IRAK2: variants seen among roughly 807,000 people sequenced by gnomAD.
IRAK2 encodes the protein interleukin-1 receptor-associated kinase-like 2.
A neutral mutation model predicts 72.0 loss-of-function variants in IRAK2; 57 were observed. The observed-to-expected ratio is 0.79, with a 90% CI of 0.64 to 0.99. The LOEUF is 0.99. Among genes scored for constraint, IRAK2 ranks in the 50% least tolerant of loss-of-function variants. The pLI, the probability that IRAK2 is intolerant of heterozygous loss-of-function variation, is 0.00. For missense variants in IRAK2, 790 were observed against 794.4 expected (o/e 0.99, Z 0.07); for synonymous variants, 293 against 312.7 (o/e 0.94, Z 0.67).
At position 10,191,506 on chromosome 3, in the gene IRAK2, C is replaced by T. The variant is rs529983046; in HGVS notation, c.278-8863C>T. Among the ~76,000 whole-genome samples the T allele has an allele frequency of 2.6e-5, 4 of 152,314 alleles. No individual in the cohort carries two copies. The South Asian group carries it at 8.3e-4, about 32-fold the overall frequency. ...CCTTTGCCCGGCTCTTCAACCTCAC[C>T]TCTACCACTTTCCCCCTCAGTCATT... On this transcript the variant is annotated intron_variant, in intron 2 of 12. Coordinates refer to ENST00000256458, the MANE Select transcript of IRAK2 (RefSeq NM_001570.4).
intron 4 of IRAK2, among the ~76,000 whole-genome samples, chr3:10,210,623 A>C (rs577174561): frequency 1.5e-4 from 23 of 151,578 alleles, no homozygotes; most frequent in Non-Finnish European, 2.9e-5. Flanking sequence ...GTGGTGTCAC[A>C]TGCCTGTAGT....
chr3:10,214,170 C>T (rs1697567154), intron 6 of IRAK2, among the ~76,000 whole-genome samples: 1 of 151,986 alleles, frequency 6.6e-6, no homozygotes, highest in Admixed American at 6.6e-5. Flanking sequence ...CTCAAGTGAT[C>T]TTTCTGCTTT....
chr3:10,167,418 C>CTT (rs1168538999), intron 1 of IRAK2, among the ~76,000 whole-genome samples: 6 of 144,166 alleles, frequency 4.2e-5, no homozygotes, highest in Admixed American at 1.4e-4. Flanking sequence ...TACTTAGTTT[C>CTT]TTTTTTTTTT....
At chr3:10,208,037 G>A (rs1559447359) in intron 3 of IRAK2, among the ~76,000 whole-genome samples, 2 of 149,244 alleles carry the variant, frequency 1.3e-5, no homozygotes, top group African/African-American at 2.5e-5. Flanking sequence ...AACCACTGAT[G>A]ACTGTGTGCC....
Position 10,238,747 on chromosome 3 carries a change from G to C in IRAK2, c.1474-1G>C, listed in dbSNP as rs916520813. 38 of 1,613,482 alleles carry C rather than the reference G, an allele frequency of 2.4e-5. No individual in the cohort carries two copies. The highest frequency in any genetic ancestry group is 2.9e-5 in the Non-Finnish European group (34 of 1,179,688). ...GCTCCCTTCTCTCTCTTCTCCCAAA[G>C]GTGTGTGGCTCTGTGGCTGCTGTGG... On this transcript the variant is annotated splice_acceptor_variant, in intron 11 of 12. Transcript: ENST00000256458. LOFTEE classifies it high-confidence loss of function.
intron 2 of IRAK2, among the ~76,000 whole-genome samples, chr3:10,182,702 G>A (rs559245733): frequency 3.1e-4 from 47 of 151,698 alleles, no homozygotes; most frequent in African/African-American, 1.1e-3. Flanking sequence ...GAGCCACTGC[G>A]CCAGGCCCTT....
intron 4 of IRAK2, 119 bp from the exon 5 acceptor site, chr3:10,213,088 T>C (rs571222848): frequency 1.3e-5 from 11 of 844,386 alleles, no homozygotes; most frequent in Admixed American, 1.0e-4. Context: ...CTTTTTACAG[T>C]TTCCATTGGA....
rs566907997 is a variant in IRAK2, at chr3:10,187,466, G to A, written c.277+9446G>A. On this transcript the variant is annotated intron_variant, in intron 2 of 12. Coordinates refer to ENST00000256458, the MANE Select transcript of IRAK2 (RefSeq NM_001570.4). ...AAGCTGCCTCATTGTCATGTGGAGA[G>A]TACTACATGCACAGGGCATCTGCAG... is the stretch of plus-strand genomic sequence containing the variant. Among the ~76,000 whole-genome samples the A allele has an allele frequency of 3.3e-5, 5 of 152,290 alleles. No individual in the cohort carries two copies. The South Asian group carries it at 1.0e-3, about 32-fold the overall frequency.
chr3:10,177,830 C>T lies in IRAK2; in HGVS notation c.95-8C>T, dbSNP rs1053510455. On this transcript the variant is annotated splice_polypyrimidine_tract_variant and splice_region_variant and intron_variant, in intron 1 of 12. Coordinates refer to ENST00000256458, the MANE Select transcript of IRAK2 (RefSeq NM_001570.4). ...GACTCTAAGCAGAGTTCTCTCCGTC[C>T]CTTCCAGCCTCCTACGTGATCACAG... is the stretch of plus-strand genomic sequence containing the variant. 5.0e-6 allele frequency: 8 copies of T among 1,611,038 alleles called. No individual in the cohort carries two copies. The highest frequency in any genetic ancestry group is 1.7e-5 in the Admixed American group (1 of 59,992).
intron 1 of IRAK2, among the ~76,000 whole-genome samples, chr3:10,170,375 T>C (rs1027427994): frequency 1.4e-4 from 22 of 152,230 alleles, no homozygotes; most frequent in African/African-American, 5.3e-4. Context: ...CCTTTTGCTA[T>C]GTAAGGTACC....
At position 10,217,039 on chromosome 3, in the gene IRAK2, G is replaced by A; in HGVS notation, c.894G>A (p.Leu298=). 1 of 1,610,252 alleles carries A rather than the reference G, an allele frequency of 6.2e-7. No individual in the cohort carries two copies. Among genetic ancestry groups the A allele is most frequent in the Non-Finnish European group, 8.5e-7 (1 of 1,176,512 alleles). The change falls in exon 7 of 13, where the codon CTG becomes CTA. Residue 298 remains leucine, a synonymous_variant. Coordinates refer to ENST00000256458, the MANE Select transcript of IRAK2 (RefSeq NM_001570.4). Reference sequence around the variant, plus strand: ...CAAATGGTTCCCTACAGGACAGACTGCAGGGTCAGGTAAGGGACTGGGTCA... The same window carrying A: ...CAAATGGTTCCCTACAGGACAGACTACAGGGTCAGGTAAGGGACTGGGTCA... ...YMANGSLQDR[L]QGQGGSDPLP...
chr3:10,188,107 A>G (rs1018730536), intron 2 of IRAK2, among the ~76,000 whole-genome samples: 4 of 152,174 alleles, frequency 2.6e-5, no homozygotes, highest in African/African-American at 9.7e-5. Context: ...GCTCCCAGGC[A>G]AAGGAGAATC....
At chr3:10,230,716 G>A (rs4684671) in intron 10 of IRAK2, among the ~76,000 whole-genome samples, 61,225 of 151,768 alleles carry the variant, frequency 0.4, 12,796 homozygotes, top group Admixed American at 0.47. Flanking sequence ...CCACAGGCAC[G>A]TGCCGCCACT....
At chr3:10,167,224 T>C (rs551305576) in intron 1 of IRAK2, among the ~76,000 whole-genome samples, 1 of 152,304 alleles carries the variant, frequency 6.6e-6, no homozygotes, top group African/African-American at 2.4e-5. Context: ...TCTTAGAACA[T>C]TTTAATCACC....
intron 2 of IRAK2, among the ~76,000 whole-genome samples, chr3:10,184,737 T>TG (rs1396860273): frequency 7.1e-6 from 1 of 141,708 alleles, no homozygotes; most frequent in East Asian, 2.1e-4. Context: ...TTTTTTTTTT[T>TG]TTTTTTTTTT....
At chr3:10,183,124 A>C (rs1329664765) in intron 2 of IRAK2, among the ~76,000 whole-genome samples, 1 of 152,172 alleles carries the variant, frequency 6.6e-6, no homozygotes, top group South Asian at 2.1e-4. Context: ...AGAAAACAGT[A>C]CTTGAAAGCC....
intron 3 of IRAK2, among the ~76,000 whole-genome samples, chr3:10,205,714 G>A (rs1697424394): frequency 1.3e-5 from 2 of 152,250 alleles, no homozygotes; most frequent in Admixed American, 6.5e-5. Flanking sequence ...TATAGATCAT[G>A]TGTAGAAGAA....
chr3:10,226,474 G>T, intron 10 of IRAK2, 41 bp downstream of exon 10: 1 of 1,534,046 alleles, frequency 6.5e-7, no homozygotes, highest in Non-Finnish European at 9.0e-7. Context: ...GTATATTTGG[G>T]CCTCACAGCT....
At chr3:10,239,101 A>T in intron 12 of IRAK2, 62 bp downstream of exon 12, 1 of 1,427,498 alleles carries the variant, frequency 7.0e-7, no homozygotes, top group Non-Finnish European at 9.4e-7. Flanking sequence ...TCAGCCCATC[A>T]TTTTTTCTTT....
Sources: allele counts gnomAD v4.1 joint callset (sites outside exome capture counted in the v4.1 genomes callset), GRCh38; gene constraint gnomAD v4.1.1; transcripts MANE v1.5; gene names NCBI Gene and HGNC (gene_info 2026-07-23, HGNC 2026-07-21).